ZNF622: variants seen among roughly 807,000 people sequenced by gnomAD.
ZNF622 encodes cytoplasmic 60S subunit biogenesis factor ZNF622.
Under a neutral mutation model 49.7 loss-of-function variants are expected in ZNF622, and 34 were observed. That is an observed-to-expected ratio of 0.68 (90% CI 0.52 to 0.91). ZNF622 has a LOEUF of 0.91. ZNF622 is among the 40% of genes least tolerant of loss of function. The pLI, the probability that ZNF622 is intolerant of heterozygous loss-of-function variation, is 0.00. For synonymous variants in ZNF622, 209 were observed against 228.7 expected (o/e 0.91, Z 0.78); for missense variants, 569 against 616.4 (o/e 0.92, Z 0.81).
intron 3 of ZNF622, among the ~76,000 whole-genome samples, chr5:16,461,924 C>A (rs1416218429): frequency 6.6e-6 from 1 of 152,174 alleles, no homozygotes; most frequent in Non-Finnish European, 1.5e-5. Flanking sequence ...GCATTCCAAG[C>A]CTACTGCTGA....
At chr5:16,457,171 G>A (rs1248017045) in intron 4 of ZNF622, among the ~76,000 whole-genome samples, 4 of 152,174 alleles carry the variant, frequency 2.6e-5, no homozygotes, top group Admixed American at 2.6e-4. Flanking sequence ...GCTAAGGTTT[G>A]TAATATATTG....
intron 4 of ZNF622, among the ~76,000 whole-genome samples, chr5:16,455,443 G>C (rs1190177495): frequency 6.6e-6 from 1 of 152,192 alleles, no homozygotes; most frequent in East Asian, 1.9e-4. Flanking sequence ...TCATACTCAA[G>C]AGATGACAAA....
At position 16,465,692 on chromosome 5, in the gene ZNF622, A is replaced by G. The variant is rs760587442; in HGVS notation, c.-27T>C. The G allele has an allele frequency of 2.6e-6, 4 of 1,540,668 alleles. No individual in the cohort carries two copies. Among genetic ancestry groups the G allele is most frequent in the Middle Eastern group, 1.8e-4 (1 of 5,534 alleles). ...GCCAGGCGAGAAATAAGAACCGACC[A>G]AGCCAAACACCTGGTGATCAGCGCC... is the stretch of plus-strand genomic sequence containing the variant. On this transcript the variant is annotated 5_prime_UTR_variant, in exon 1 of 6. Transcript: ENST00000308683. This position sits in a 1 kb window ranked among gnomAD's most constrained non-coding sequence, Gnocchi z 6.2.
chr5:16,463,713 A>T lies in ZNF622; in HGVS notation c.655T>A (p.Leu219Met), dbSNP rs1475527128. Reference sequence around the variant, plus strand: ...ATTGCTTCAGTATCCTCACATTCCAATTCTTCATCAGAATCAATATCTTCC... The same window carrying T: ...ATTGCTTCAGTATCCTCACATTCCATTTCTTCATCAGAATCAATATCTTCC... ...DWEDIDSDEE[L>M]ECEDTEAMDD... The change falls in exon 2 of 6, where the codon TTG becomes ATG. Residue 219 changes from leucine (L) to methionine (M), a missense_variant. By Grantham distance (15) the Leu-to-Met change is conservative. Transcript: ENST00000308683. The surrounding 1 kb of genome is among the most constrained non-coding windows in gnomAD (Gnocchi z 4.2). The T allele has an allele frequency of 3.1e-6, 5 of 1,613,694 alleles. No individual in the cohort carries two copies. The East Asian group carries it at 8.9e-5, about 29-fold the overall frequency.
chr5:16,457,757 T>C (rs1013888074), intron 4 of ZNF622, among the ~76,000 whole-genome samples: 2 of 152,232 alleles, frequency 1.3e-5, no homozygotes, highest in Middle Eastern at 3.2e-3. Context: ...AAAAAGGCTT[T>C]GCTGATTAGG....
At chr5:16,457,418 G>T (rs1738043908) in intron 4 of ZNF622, among the ~76,000 whole-genome samples, 1 of 152,138 alleles carries the variant, frequency 6.6e-6, no homozygotes, top group African/African-American at 2.4e-5. Flanking sequence ...ACTAGAAAAG[G>T]TTCTCTGGGA....
chr5:16,461,281 C>G (rs1394666425), intron 3 of ZNF622, among the ~76,000 whole-genome samples: 1 of 152,254 alleles, frequency 6.6e-6, no homozygotes, highest in Non-Finnish European at 1.5e-5. Flanking sequence ...TGTGCAGGGC[C>G]TTGCAGGCCA....
At chr5:16,452,165 T>C (rs914906498) in intron 5 of ZNF622, among the ~76,000 whole-genome samples, 1 of 152,156 alleles carries the variant, frequency 6.6e-6, no homozygotes, top group Admixed American at 6.5e-5. Context: ...GCCACACAGC[T>C]CACAAGCAGC....
Position 16,453,147 on chromosome 5 carries a change from A to G in ZNF622, c.1172T>C (p.Val391Ala). Residue 391 changes from valine (V) to alanine (A), a missense_variant, in exon 5 of 6, where the codon GTG (valine) becomes GCG (alanine). Physicochemically the swap from Val to Ala is moderately conservative, Grantham distance 64. Transcript: ENST00000308683. Reference sequence around the variant, plus strand: ...GTATCTCATCAAGGAGCGATGACCCACTCTGGCACCTGTTTTTCAAAAGAG... The same window carrying G: ...GTATCTCATCAAGGAGCGATGACCCGCTCTGGCACCTGTTTTTCAAAAGAG... ...MELILPSGARVGHRSLMRYYK... is the reference protein window; with the variant it reads ...MELILPSGARAGHRSLMRYYK... 6.7e-7 allele frequency: 1 copy of G among 1,501,560 alleles called. No homozygotes were observed. The highest frequency in any genetic ancestry group is 9.0e-7 in the Non-Finnish European group (1 of 1,116,314). The allele number at this position is 1,501,560 out of a possible 1,614,324, so 93.0% of individuals were successfully genotyped here. A position where few individuals can be genotyped will look rare whatever the true frequency, so the allele number is the denominator to read the frequency against.
At chr5:16,461,262 T>C (rs1412957259) in intron 3 of ZNF622, among the ~76,000 whole-genome samples, 2 of 152,274 alleles carry the variant, frequency 1.3e-5, no homozygotes. Context: ...CCACAGATGC[T>C]CCACACTATG....
intron 5 of ZNF622, 23 bp from the exon 6 acceptor site, chr5:16,451,807 A>G (rs1437819871): frequency 6.2e-7 from 1 of 1,604,540 alleles, no homozygotes; most frequent in African/African-American, 1.3e-5. Flanking sequence ...GGCAGTTAAG[A>G]AATTAGGCAA....
In ZNF622 at chr5:16,463,290, A is replaced by G; in HGVS notation, c.887-20T>C. 1 of 1,578,354 alleles carries G rather than the reference A, an allele frequency of 6.3e-7. No individual in the cohort carries two copies. On this transcript the variant is annotated intron_variant, in intron 2 of 5. Transcript: ENST00000308683. This position sits in a 1 kb window ranked among gnomAD's most constrained non-coding sequence, Gnocchi z 4.2. ...TCTCTCCTAGAAAAATAATTTAAGG[A>G]AAAAATATGAAAAAAGCTTTTTGCA...
intron 5 of ZNF622, among the ~76,000 whole-genome samples, chr5:16,452,407 T>C (rs576786326): frequency 2.0e-5 from 3 of 152,138 alleles, no homozygotes; most frequent in African/African-American, 2.4e-5. Flanking sequence ...ACAATTGCAG[T>C]GGCATGCTTT....
chr5:16,463,215 G>C lies in ZNF622; in HGVS notation c.942C>G (p.Ser314=), dbSNP rs1466245775. ...ICLWCNEKGK[S]FYSTEAVQAH... ...CCTGTACAGCTTCTGTGGAGTAGAA[G>C]GACTTCCCTTTCTCGTTGCACCACA... Residue 314 remains serine (S), a synonymous_variant, in exon 3 of 6, where the codon TCC becomes TCG. Transcript: ENST00000308683. The surrounding 1 kb of genome is among the most constrained non-coding windows in gnomAD (Gnocchi z 4.2). 2 of 1,613,238 alleles carry C rather than the reference G, an allele frequency of 1.2e-6. No individual in the cohort carries two copies. Among genetic ancestry groups the C allele is most frequent in the East Asian group, 4.5e-5 (2 of 44,884 alleles).
chr5:16,453,828 G>T (rs964209843), intron 4 of ZNF622, among the ~76,000 whole-genome samples: 1 of 151,928 alleles, frequency 6.6e-6, no homozygotes, highest in African/African-American at 2.4e-5. Flanking sequence ...GGCCAGAGAT[G>T]CTATTAAACA....
intron 4 of ZNF622, among the ~76,000 whole-genome samples, chr5:16,457,993 C>T (rs575467618): frequency 1.5e-4 from 23 of 152,248 alleles, no homozygotes; most frequent in African/African-American, 3.1e-4. Flanking sequence ...CAGTTAATCA[C>T]GATTCTTTCT....
chr5:16,451,913 GC>G, intron 5 of ZNF622, 129 bp from the exon 6 acceptor site: 1 of 1,193,302 alleles, frequency 8.4e-7, no homozygotes, highest in Non-Finnish European at 1.2e-6. Flanking sequence ...AAACAGAGTT[GC>G]TAACTTGGGG....
Position 16,451,534 on chromosome 5 carries a change from T to A in ZNF622, c.*123A>T. On this transcript the variant is annotated 3_prime_UTR_variant, in exon 6 of 6. Coordinates refer to ENST00000308683, the MANE Select transcript of ZNF622 (RefSeq NM_033414.3). Reference sequence around the variant, plus strand: ...TGAAAACTCATATGGTTCTAACTTTTATTATTAGGTCAGAACGAATGAAGT... The same window carrying A: ...TGAAAACTCATATGGTTCTAACTTTAATTATTAGGTCAGAACGAATGAAGT... The A allele has an allele frequency of 7.5e-7, 1 of 1,336,812 alleles. No individual in the cohort carries two copies. The highest frequency in any genetic ancestry group is 1.0e-6 in the Non-Finnish European group (1 of 987,014). The allele number at this position is 1,336,812 out of a possible 1,614,324, so 82.8% of individuals were successfully genotyped here.
In ZNF622 at chr5:16,463,377, AATT is replaced by A; in HGVS notation, c.886+102_886+104del. The A allele has an allele frequency of 6.7e-7, 1 of 1,502,132 alleles. No homozygotes were observed. The highest frequency in any genetic ancestry group is 9.0e-7 in the Non-Finnish European group (1 of 1,114,038). 93.1% of individuals were successfully genotyped at this position (1,502,132 alleles called of 1,614,324 possible). A position where few individuals can be genotyped will look rare whatever the true frequency, so the allele number is the denominator to read the frequency against. ...AAAATCATTCACAAAATAACCAAGC[AATT>A]ATATCAAAGATTGATGAAAAATGCA... is the stretch of plus-strand genomic sequence containing the variant. On this transcript the variant is annotated intron_variant, in intron 2 of 5. Coordinates refer to ENST00000308683, the MANE Select transcript of ZNF622 (RefSeq NM_033414.3). This position sits in a 1 kb window ranked among gnomAD's most constrained non-coding sequence, Gnocchi z 4.2.
Sources: allele counts gnomAD v4.1 joint callset (sites outside exome capture counted in the v4.1 genomes callset), GRCh38; gene constraint gnomAD v4.1.1; non-coding constraint Gnocchi (gnomAD v3.1); transcripts MANE v1.5; gene names NCBI Gene and HGNC (gene_info 2026-07-23, HGNC 2026-07-21).